Variants in LGSN observed in about 807,000 individuals in gnomAD.
LGSN encodes lengsin, lens protein with glutamine synthetase domain, also known as lengsin.
LGSN carries 21 observed loss-of-function variants against 19.5 expected under a neutral mutation model. The observed-to-expected ratio is 1.07, with a 90% confidence interval of 0.76 to 1.55. The LOEUF (loss-of-function observed/expected upper bound fraction) is 1.55. Among genes scored for constraint, LGSN ranks in the 40% most tolerant of loss-of-function variants. LGSN has a pLI of 0.00. For missense variants in LGSN, 673 were observed against 608.5 expected, an observed-to-expected ratio of 1.11 and a Z score of -1.12; for synonymous variants, 257 against 215.6, an observed-to-expected ratio of 1.19 and a Z score of -1.68.
At chr6:63,393,902 G>A in the LGSN span, among the ~76,000 whole-genome samples, 3 of 152,150 alleles carry the variant, frequency 2.0e-5, no homozygotes, top group Non-Finnish European at 2.9e-5. Flanking sequence ...ATTCCCACGA[G>A]GTTAGGTATT....
the LGSN span, among the ~76,000 whole-genome samples, chr6:63,459,236 A>G: frequency 6.6e-6 from 1 of 152,172 alleles, no homozygotes; most frequent in Non-Finnish European, 1.5e-5. Flanking sequence ...TGGTTCTCTC[A>G]AAAGATTTTT....
At position 63,300,054 on chromosome 6, in the gene LGSN, G is replaced by C. The variant is rs117358336; in HGVS notation, c.31-5009C>G. On this transcript the variant is annotated intron_variant, in intron 1 of 3. Transcript: ENST00000370657. ...TTTGAATTCTGAGGCCTGGAGAGGT[G>C]GTCATGGTGAGGCCTGGAGACGTGT... Among the ~76,000 whole-genome samples, 302 of 152,272 alleles carry C rather than the reference G, an allele frequency of 2.0e-3. 11 individuals carry two copies. The East Asian group carries it at 0.05, about 25-fold the overall frequency.
chr6:63,407,014 C>A, the LGSN span, among the ~76,000 whole-genome samples: 1 of 152,094 alleles, frequency 6.6e-6, no homozygotes, highest in African/African-American at 2.4e-5. Flanking sequence ...CAATAACAGG[C>A]TCTGTAATTG....
chr6:63,400,858 G>T, the LGSN span, among the ~76,000 whole-genome samples: 2 of 152,118 alleles, frequency 1.3e-5, no homozygotes, highest in Non-Finnish European at 2.9e-5. Flanking sequence ...GCTGGGCATG[G>T]TGGTGGGCGC....
chr6:63,357,862 T>C, the LGSN span, among the ~76,000 whole-genome samples: 1 of 152,150 alleles, frequency 6.6e-6, no homozygotes, highest in South Asian at 2.1e-4. Flanking sequence ...TAATTTTGGC[T>C]TTTGTTGCCA....
chr6:63,376,354 A>T, the LGSN span, among the ~76,000 whole-genome samples: 1 of 152,206 alleles, frequency 6.6e-6, no homozygotes, highest in African/African-American at 2.4e-5. Context: ...TACTATCTAA[A>T]ACCTAAGAAA....
the LGSN span, among the ~76,000 whole-genome samples, chr6:63,547,498 ATTTTTTTTTTTT>A: frequency 3.3e-5 from 3 of 90,794 alleles, no homozygotes; most frequent in East Asian, 6.9e-4. Context: ...CCAGGGGGGA[ATTTTTTTTTTTT>A]TTTTTTTTTT....
chr6:63,541,602 G>A, the LGSN span, among the ~76,000 whole-genome samples: 8 of 152,060 alleles, frequency 5.3e-5, no homozygotes, highest in African/African-American at 1.9e-4. Flanking sequence ...TCAGATTTTA[G>A]GACTGATATT....
At chr6:63,364,430 A>G in the LGSN span, among the ~76,000 whole-genome samples, 20 of 152,310 alleles carry the variant, frequency 1.3e-4, no homozygotes, top group African/African-American at 4.6e-4. Flanking sequence ...AACCAGATTC[A>G]TAAAGCAGGT....
At chr6:63,313,850 A>G in intron 1 of LGSN, among the ~76,000 whole-genome samples, 1 of 151,256 alleles carries the variant, frequency 6.6e-6, no homozygotes. Flanking sequence ...ATAAATAAAT[A>G]AATAAATAAA....
the LGSN span, among the ~76,000 whole-genome samples, chr6:63,446,243 C>CAAAA: frequency 7.5e-3 from 560 of 74,526 alleles, 22 homozygotes; most frequent in South Asian, 0.022. Context: ...GACTGTGTCT[C>CAAAA]AAAAAAAAAA....
the LGSN span, among the ~76,000 whole-genome samples, chr6:63,351,092 C>T: frequency 2.2e-4 from 33 of 152,194 alleles, no homozygotes; most frequent in Admixed American, 5.2e-4. Context: ...GGAACCCTCA[C>T]AAATGGGATT....
the LGSN span, among the ~76,000 whole-genome samples, chr6:63,405,363 T>A: frequency 6.6e-6 from 1 of 152,154 alleles, no homozygotes; most frequent in African/African-American, 2.4e-5. Flanking sequence ...TAGTTCTAGA[T>A]CCCTGAGGAA....
At chr6:63,495,456 C>CTTTTTTT in the LGSN span, among the ~76,000 whole-genome samples, 64 of 77,730 alleles carry the variant, frequency 8.2e-4, no homozygotes, top group Non-Finnish European at 1.1e-3. Context: ...TTTTCTTTTT[C>CTTTTTTT]TTTTTTTTTT....
chr6:63,550,090 T>C, the LGSN span, among the ~76,000 whole-genome samples: 1 of 152,234 alleles, frequency 6.6e-6, no homozygotes, highest in Admixed American at 6.5e-5. Context: ...TTATTATGTG[T>C]CAACTTGAAA....
At chr6:63,401,950 T>A in the LGSN span, among the ~76,000 whole-genome samples, 1 of 152,322 alleles carries the variant, frequency 6.6e-6, no homozygotes, top group African/African-American at 2.4e-5. Context: ...AAGCTCCCAG[T>A]GACGAGCAAC....
At chr6:63,302,773 C>CA (rs1282643163) in intron 1 of LGSN, among the ~76,000 whole-genome samples, 1 of 152,112 alleles carries the variant, frequency 6.6e-6, no homozygotes, top group Non-Finnish European at 1.5e-5. Flanking sequence ...AGTGTGGACT[C>CA]ATGGAGAGTC....
At chr6:63,327,460 T>G in the LGSN span, among the ~76,000 whole-genome samples, 7 of 152,206 alleles carry the variant, frequency 4.6e-5, no homozygotes, top group Non-Finnish European at 7.3e-5. Context: ...TATCCCAGAC[T>G]GGTTAGTGTA....
At chr6:63,313,867 AATACATACATAC>A (rs1187994076) in intron 1 of LGSN, among the ~76,000 whole-genome samples, 3 of 88,888 alleles carry the variant, frequency 3.4e-5, no homozygotes, top group African/African-American at 1.2e-4. Flanking sequence ...TAAATAAATA[AATACATACATAC>A]ATACATACAT....
Sources: allele counts gnomAD v4.1 joint callset (sites outside exome capture counted in the v4.1 genomes callset), GRCh38; gene constraint gnomAD v4.1.1; transcripts MANE v1.5; gene names NCBI Gene and HGNC (gene_info 2026-07-23, HGNC 2026-07-21).